The following CTNNA2 variants were observed in gnomAD, a reference collection of about 807,000 sequenced individuals.
CTNNA2 encodes the protein catenin alpha-2.
In CTNNA2, 42 loss-of-function variants were observed where a neutral mutation model predicts 101.0. The observed-to-expected ratio is 0.42, with a 90% confidence interval of 0.32 to 0.54. The LOEUF is 0.54. Ranked by LOEUF, CTNNA2 falls within the 20% of genes least tolerant of loss-of-function variation. The pLI, the probability that CTNNA2 is intolerant of heterozygous loss-of-function variation, is 0.14. For synonymous variants in CTNNA2, 450 were observed against 456.4 expected, an observed-to-expected ratio of 0.99 and a Z score of 0.18; for missense variants, 871 against 1,223.1, an observed-to-expected ratio of 0.71 and a Z score of 4.29.
intron 7 of CTNNA2, among the ~76,000 whole-genome samples, chr2:80,163,737 G>A (rs539349155): frequency 1.2e-4 from 18 of 152,092 alleles, no homozygotes; most frequent in African/African-American, 4.3e-4. Flanking sequence ...AGCAATAATT[G>A]TAGAGTTGTC....
intron 3 of CTNNA2, among the ~76,000 whole-genome samples, chr2:79,821,939 A>G (rs529311993): frequency 6.6e-6 from 1 of 152,322 alleles, no homozygotes; most frequent in East Asian, 1.9e-4. Flanking sequence ...AAAGTATAGC[A>G]ATGGTTAACA....
At chr2:79,952,080 C>G (rs1402247792) in intron 7 of CTNNA2, among the ~76,000 whole-genome samples, 2 of 152,102 alleles carry the variant, frequency 1.3e-5, no homozygotes, top group Admixed American at 1.3e-4. Flanking sequence ...AAGTTCTCTC[C>G]CTAGGTCTCT....
chr2:80,548,965 C>A (rs1242457958), intron 11 of CTNNA2, among the ~76,000 whole-genome samples: 1 of 152,046 alleles, frequency 6.6e-6, no homozygotes, highest in African/African-American at 2.4e-5. Flanking sequence ...AAAAACAGAT[C>A]TTTGTTTTTA....
chr2:79,578,083 A>G (rs1251996441), intron 1 of CTNNA2, among the ~76,000 whole-genome samples: 2 of 152,198 alleles, frequency 1.3e-5, no homozygotes, highest in Non-Finnish European at 2.9e-5. Flanking sequence ...ACAGCCCAAC[A>G]TTTGAATGAA....
At chr2:79,245,804 A>G (rs1459624477) in intron 2 of CTNNA2, among the ~76,000 whole-genome samples, 4 of 152,090 alleles carry the variant, frequency 2.6e-5, no homozygotes, top group Admixed American at 2.6e-4. Flanking sequence ...GTCTTTCCTA[A>G]TGTTTTGAGC....
intron 1 of CTNNA2, among the ~76,000 whole-genome samples, chr2:79,595,648 T>A (rs1456589489): frequency 1.3e-5 from 2 of 152,068 alleles, no homozygotes; most frequent in African/African-American, 4.8e-5. Context: ...GTATCTCACA[T>A]CTGTTTCTTC....
chr2:79,576,312 T>C (rs1340640970), intron 1 of CTNNA2, among the ~76,000 whole-genome samples: 2 of 152,080 alleles, frequency 1.3e-5, no homozygotes, highest in East Asian at 3.9e-4. Context: ...TAAAGGAGAG[T>C]TTATGGGAAT....
At chr2:80,035,713 TG>T (rs1214514057) in intron 7 of CTNNA2, among the ~76,000 whole-genome samples, 1 of 152,170 alleles carries the variant, frequency 6.6e-6, no homozygotes, top group Non-Finnish European at 1.5e-5. Context: ...AAATTCAATT[TG>T]TATGAAATTT....
At chr2:80,048,854 G>T (rs1055076775) in intron 7 of CTNNA2, among the ~76,000 whole-genome samples, 1 of 152,316 alleles carries the variant, frequency 6.6e-6, no homozygotes, top group Non-Finnish European at 1.5e-5. Flanking sequence ...TTTCAGGAAT[G>T]CAGGCAAGAG....
chr2:80,068,430 T>TG lies in CTNNA2; in HGVS notation c.1056+158634dup, dbSNP rs532345805. ...ACATGCAAATTGCTGAAAATGGAGT[T>TG]GAATTTCCTTCATCTCTCTTTAACT... On this transcript the variant is annotated intron_variant, in intron 7 of 18. Transcript: ENST00000402739. Among the ~76,000 whole-genome samples the TG allele has an allele frequency of 2.8e-4, 42 of 152,340 alleles. No homozygotes were observed. In the East Asian group the frequency reaches 7.7e-3, roughly 28 times the overall value.
chr2:79,241,928 CAG>C (rs1434285347), intron 2 of CTNNA2, among the ~76,000 whole-genome samples: 8 of 146,952 alleles, frequency 5.4e-5, no homozygotes, highest in African/African-American at 2.0e-4. Flanking sequence ...TTTTTTGAGA[CAG>C]AGTCTTGCTC....
intron 2 of CTNNA2, among the ~76,000 whole-genome samples, chr2:79,296,697 A>G (rs189095424): frequency 1.6e-4 from 24 of 152,184 alleles, no homozygotes; most frequent in Admixed American, 1.0e-3. Flanking sequence ...ATCTTTCTCC[A>G]CTCTCTGCCC....
At chr2:80,610,280 ATG>A (rs1309830784) in intron 17 of CTNNA2, among the ~76,000 whole-genome samples, 1 of 151,550 alleles carries the variant, frequency 6.6e-6, no homozygotes, top group Non-Finnish European at 1.5e-5. Context: ...CTGATGGCCA[ATG>A]GAGAAAAAAA....
chr2:79,269,841 C>A (rs1250414066), intron 2 of CTNNA2, among the ~76,000 whole-genome samples: 2 of 152,108 alleles, frequency 1.3e-5, no homozygotes, highest in African/African-American at 2.4e-5. Context: ...CTGGATCTAG[C>A]ATGTTCACTA....
At chr2:80,117,974 G>T (rs1180113362) in intron 7 of CTNNA2, among the ~76,000 whole-genome samples, 2 of 152,118 alleles carry the variant, frequency 1.3e-5, no homozygotes, top group East Asian at 1.9e-4. Flanking sequence ...GAGACAGGGT[G>T]ACATACGGGA....
intron 3 of CTNNA2, among the ~76,000 whole-genome samples, chr2:79,776,404 G>A (rs974093355): frequency 6.6e-6 from 1 of 151,972 alleles, no homozygotes; most frequent in Non-Finnish European, 1.5e-5. Context: ...GATAACTAAG[G>A]GCTTTCTAAG....
chr2:79,299,113 C>T (rs541212756), intron 2 of CTNNA2, among the ~76,000 whole-genome samples: 1 of 152,298 alleles, frequency 6.6e-6, no homozygotes, highest in Admixed American at 6.5e-5. Context: ...TTAGTATCGT[C>T]TGGAGCTTTC....
rs73938796 is a variant in CTNNA2 at position 79,735,336 on chromosome 2, G to A, written c.103-9051G>A. Among the ~76,000 whole-genome samples the A allele has an allele frequency of 9.3e-3, 1,417 of 152,132 alleles. 28 individuals are homozygous for A. Among genetic ancestry groups the A allele is most frequent in the African/African-American group, 0.032 (1,321 of 41,506 alleles). On this transcript the variant is annotated intron_variant, in intron 2 of 18. Coordinates refer to ENST00000402739, the MANE Select transcript of CTNNA2 (RefSeq NM_001282597.3). ...AGGCTGCTGTACTTTGTCTTGGCTCGTAGACACTACTGAAACACTTCCTAG... is the reference window on the plus strand; with the variant it reads ...AGGCTGCTGTACTTTGTCTTGGCTCATAGACACTACTGAAACACTTCCTAG...
intron 6 of CTNNA2, among the ~76,000 whole-genome samples, chr2:79,905,630 G>A (rs1286281360): frequency 1.3e-5 from 2 of 152,068 alleles, no homozygotes; most frequent in African/African-American, 2.4e-5. Context: ...TGATGATGGT[G>A]ATGATGGTGG....
Sources: allele counts gnomAD v4.1 joint callset (sites outside exome capture counted in the v4.1 genomes callset), GRCh38; gene constraint gnomAD v4.1.1; transcripts MANE v1.5; gene names NCBI Gene and HGNC (gene_info 2026-07-23, HGNC 2026-07-21).